Variants in DCC observed in about 807,000 individuals in gnomAD.
The protein encoded by DCC is netrin receptor DCC.
A neutral mutation model predicts 172.5 loss-of-function variants in DCC; 58 were observed. The observed-to-expected ratio is 0.34, with a 90% confidence interval of 0.27 to 0.42. DCC has a LOEUF of 0.42. Among genes scored for constraint, DCC ranks in the 10% least tolerant of loss-of-function variants. DCC has a pLI of 1.00. For missense variants in DCC, 1,740 were observed against 1,791.0 expected, an observed-to-expected ratio of 0.97 and a Z score of 0.51; for synonymous variants, 709 against 644.5, an observed-to-expected ratio of 1.10 and a Z score of -1.52.
chr18:53,257,279 G>C (rs561021834), intron 12 of DCC, among the ~76,000 whole-genome samples: 31 of 152,132 alleles, frequency 2.0e-4, no homozygotes, highest in East Asian at 1.7e-3. Flanking sequence ...GAGGGCATCC[G>C]TGTCTTGTGC....
chr18:52,393,171 C>T (rs2144354139), intron 1 of DCC, among the ~76,000 whole-genome samples: 1 of 152,182 alleles, frequency 6.6e-6, no homozygotes, highest in East Asian at 1.9e-4. Flanking sequence ...CAGTCATTTT[C>T]ATTCTAAACC....
intron 1 of DCC, among the ~76,000 whole-genome samples, chr18:52,653,549 G>A (rs936995112): frequency 1.3e-5 from 2 of 152,070 alleles, no homozygotes; most frequent in African/African-American, 4.8e-5. Context: ...TATAATTGAG[G>A]TATGCACAAA....
intron 2 of DCC, among the ~76,000 whole-genome samples, chr18:52,765,199 AATTTTTTTTT>A (rs1193481743): frequency 8.3e-6 from 1 of 120,116 alleles, no homozygotes; most frequent in African/African-American, 3.4e-5. Context: ...ACTCCTGGCT[AATTTTTTTTT>A]TTTTTTTTTG....
chr18:53,047,231 G>T (rs2042250039), intron 5 of DCC, among the ~76,000 whole-genome samples: 1 of 48,328 alleles, frequency 2.1e-5, no homozygotes, highest in African/African-American at 8.2e-5. Flanking sequence ...ATCCCTGCAG[G>T]TAGGATATAT....
At chr18:53,078,793 A>T (rs576920362) in intron 7 of DCC, among the ~76,000 whole-genome samples, 1 of 152,176 alleles carries the variant, frequency 6.6e-6, no homozygotes, top group South Asian at 2.1e-4. Flanking sequence ...GACAAAATAA[A>T]TTTTTTCATC....
chr18:52,741,638 C>T (rs1205385102), intron 1 of DCC, among the ~76,000 whole-genome samples: 5 of 152,154 alleles, frequency 3.3e-5, no homozygotes, highest in African/African-American at 7.2e-5. Context: ...TATTGAAACT[C>T]TTCTGTAAAT....
intron 21 of DCC, among the ~76,000 whole-genome samples, chr18:53,429,409 ATT>A (rs60006702): frequency 9.3e-5 from 14 of 150,548 alleles, no homozygotes; most frequent in Non-Finnish European, 1.6e-4. Flanking sequence ...GTATCCTGGT[ATT>A]TTTTTTGTAA....
At chr18:52,776,932 G>T (rs1180207561) in intron 2 of DCC, among the ~76,000 whole-genome samples, 1 of 152,128 alleles carries the variant, frequency 6.6e-6, no homozygotes, top group Non-Finnish European at 1.5e-5. Flanking sequence ...TTGTAACCAC[G>T]TATCCAAGAG....
chr18:52,578,382 C>T (rs1016467800), intron 1 of DCC, among the ~76,000 whole-genome samples: 5 of 152,200 alleles, frequency 3.3e-5, no homozygotes, highest in Non-Finnish European at 4.4e-5. Flanking sequence ...GGGAGTCAAA[C>T]GTACGCTGCA....
At chr18:52,790,636 AT>A (rs1241545392) in intron 2 of DCC, among the ~76,000 whole-genome samples, 1 of 152,210 alleles carries the variant, frequency 6.6e-6, no homozygotes, top group African/African-American at 2.4e-5. Flanking sequence ...AAAGTCTGGG[AT>A]ATCAGAGTTG....
intron 27 of DCC, among the ~76,000 whole-genome samples, chr18:53,506,935 A>C (rs934484676): frequency 7.9e-5 from 12 of 151,498 alleles, no homozygotes; most frequent in African/African-American, 2.2e-4. Flanking sequence ...TCTCTCCATC[A>C]TGCCAACTAC....
At chr18:53,095,962 T>C (rs578229091) in intron 7 of DCC, among the ~76,000 whole-genome samples, 95 of 151,898 alleles carry the variant, frequency 6.3e-4, no homozygotes, top group Non-Finnish European at 9.3e-4. Flanking sequence ...AAAACACCAG[T>C]GGCCAGGCAC....
chr18:52,456,848 G>GT (rs943146225), intron 1 of DCC, among the ~76,000 whole-genome samples: 10 of 152,130 alleles, frequency 6.6e-5, no homozygotes, highest in African/African-American at 1.9e-4. Flanking sequence ...AGAATTCCCT[G>GT]TTTTTTGACA....
intron 7 of DCC, among the ~76,000 whole-genome samples, chr18:53,113,479 TA>T (rs902467179): frequency 7.3e-5 from 11 of 151,506 alleles, no homozygotes; most frequent in African/African-American, 2.7e-4. Flanking sequence ...ATTTTTCCTT[TA>T]AAAAAACAGA....
chr18:52,970,797 G>A (rs1174926105), intron 5 of DCC, among the ~76,000 whole-genome samples: 1 of 152,118 alleles, frequency 6.6e-6, no homozygotes, highest in Admixed American at 6.6e-5. Context: ...AGCCTCTGTA[G>A]AATTATTTCT....
chr18:52,912,304 C>T (rs1159310790), intron 3 of DCC, among the ~76,000 whole-genome samples: 1 of 129,538 alleles, frequency 7.7e-6, no homozygotes, highest in Admixed American at 7.4e-5. Flanking sequence ...TCAAAGTCCT[C>T]AGTAGCTATT....
Position 53,157,350 on chromosome 18 carries a change from C to T in DCC, c.1262-6C>T, listed in dbSNP as rs368133017. Reference sequence around the variant, plus strand: ...CCTCTGATAGCCTCCTCTTCTTTCTCCTTAGCTATCCCAAGCTCCAGTGTC... The same window carrying T: ...CCTCTGATAGCCTCCTCTTCTTTCTTCTTAGCTATCCCAAGCTCCAGTGTC... On this transcript the variant is annotated splice_polypyrimidine_tract_variant and splice_region_variant and intron_variant, in intron 7 of 28. Coordinates refer to ENST00000442544, the MANE Select transcript of DCC (RefSeq NM_005215.4). The T allele has an allele frequency of 1.9e-6, 3 of 1,613,930 alleles. No homozygotes were observed. Among genetic ancestry groups the T allele is most frequent in the South Asian group, 2.2e-5 (2 of 91,084 alleles).
At chr18:53,425,606 C>T (rs1221853084) in intron 21 of DCC, among the ~76,000 whole-genome samples, 1 of 152,008 alleles carries the variant, frequency 6.6e-6, no homozygotes, top group East Asian at 1.9e-4. Context: ...AGGTGACCTG[C>T]CCGCCTCGGC....
chr18:53,205,366 T>C lies in DCC; in HGVS notation c.1722+2T>C. ...GAGGTGTCCACAGGAAAAGAACAGG[T>C]AGGTGAAGGAATGGACCACACTGCT... On this transcript the variant is annotated splice_donor_variant, in intron 10 of 28. Coordinates refer to ENST00000442544, the MANE Select transcript of DCC (RefSeq NM_005215.4). LOFTEE classifies it high-confidence loss of function. 1 of 1,613,616 alleles carries C rather than the reference T, an allele frequency of 6.2e-7. No individual in the cohort carries two copies. The highest frequency in any genetic ancestry group is 8.5e-7 in the Non-Finnish European group (1 of 1,179,666).
Sources: gnomAD v4.1 joint callset for allele counts (sites outside exome capture counted in the v4.1 genomes callset) on GRCh38, gnomAD v4.1.1 for gene constraint, MANE v1.5 for transcripts, NCBI Gene and HGNC (gene_info 2026-07-23, HGNC 2026-07-21) for gene names.